CD59: variants seen among roughly 807,000 people sequenced by gnomAD.
The protein encoded by CD59 is CD59 molecule (CD59 blood group).
A neutral mutation model predicts 7.0 loss-of-function variants in CD59; 3 were observed. That is an observed-to-expected ratio of 0.43 (90% CI 0.19 to 1.10). CD59 has a LOEUF of 1.10. Among genes scored for constraint, CD59 ranks in the 50% least tolerant of loss-of-function variants. The probability of loss-of-function intolerance (pLI) is 0.29; values close to 1 mark genes in which losing one functional copy is unlikely to be tolerated. For missense variants in CD59, 143 were observed against 151.0 expected (o/e 0.95, Z 0.28); for synonymous variants, 60 against 62.0 (o/e 0.97, Z 0.15).
Position 33,722,406 on chromosome 11 carries a change from G to A in CD59, c.40C>T (p.Leu14Phe). 6.2e-7 allele frequency: 1 copy of A among 1,613,964 alleles called. No individual in the cohort carries two copies. The highest frequency in any genetic ancestry group is 8.5e-7 in the Non-Finnish European group (1 of 1,179,808). Residue 14 changes from leucine to phenylalanine, a missense_variant, in exon 2 of 4, where the codon CTC becomes TTC. By Grantham distance (22) the Leu-to-Phe change is conservative. Transcript: ENST00000642928. Reference sequence around the variant, plus strand: ...GAATGGCAGAAGACAGCCAGGACGAGCAGCAGCCCGAACAGGACAGACCCT... The same window carrying A: ...GAATGGCAGAAGACAGCCAGGACGAACAGCAGCCCGAACAGGACAGACCCT... ...QGGSVLFGLL[L>F]VLAVFCHSGH...
rs1292535805 is a variant in CD59, at chr11:33,717,442, T to C, written c.97A>G (p.Asn33Asp). 1 of 1,613,260 alleles carries C rather than the reference T, an allele frequency of 6.2e-7. No individual in the cohort carries two copies. The highest frequency in any genetic ancestry group is 1.7e-5 in the Admixed American group (1 of 60,018). Residue 33 changes from asparagine (N) to aspartate (D), a missense_variant, in exon 3 of 4, where the codon AAC becomes GAC. By Grantham distance (23) the Asn-to-Asp change is conservative. Coordinates refer to ENST00000642928, the MANE Select transcript of CD59 (RefSeq NM_000611.6). ...GCTGTTTTGCAGTCAGCAGTTGGGT[T>C]AGGACAGTTGTAGCACTGCAGGCTA... ...GHSLQCYNCP[N>D]PTADCKTAVN... is the part of the protein sequence containing the mutation.
chr11:33,726,102 G>A (rs1854250570), intron 1 of CD59, among the ~76,000 whole-genome samples: 1 of 152,158 alleles, frequency 6.6e-6, no homozygotes, highest in South Asian at 2.1e-4. Context: ...ACACCCCACT[G>A]TCAATATTAG....
chr11:33,703,550 G>A lies in CD59; in HGVS notation c.*6576C>T, dbSNP rs1236159049. ...ATTTGGAACCAACTGAGAGACACAA[G>A]TCCCTCTTCGTTGATCAGGGTCAGT... is the stretch of plus-strand genomic sequence containing the variant. On this transcript the variant is annotated 3_prime_UTR_variant, in exon 4 of 4. Coordinates refer to ENST00000642928, the MANE Select transcript of CD59 (RefSeq NM_000611.6). 3 of 152,370 alleles carry A rather than the reference G, an allele frequency of 2.0e-5. No homozygotes were observed. The highest frequency in any genetic ancestry group is 2.1e-4 in the South Asian group (1 of 4,828). 9.4% of individuals were successfully genotyped at this position (152,370 alleles called of 1,614,324 possible).
Position 33,732,715 on chromosome 11 carries a change from A to G in CD59, c.-19+3667T>C, listed in dbSNP as rs1590548077. The stretch of plus-strand genomic sequence containing the variant: ...AAGGTAAACTGAACCTTTGCCTCCA[A>G]TTACAGGGGGAGGAAACAAGATTGA... On this transcript the variant is annotated intron_variant, in intron 1 of 3. Transcript: ENST00000642928. Among the ~76,000 whole-genome samples, 6 of 152,074 alleles carry G rather than the reference A, an allele frequency of 3.9e-5. 1 individual carries two copies. Among genetic ancestry groups the G allele is most frequent in the Admixed American group, 3.9e-4 (6 of 15,270 alleles).
intron 3 of CD59, chr11:33,711,515 T>C (rs1253035517): frequency 9.4e-6 from 6 of 640,876 alleles, no homozygotes; most frequent in Admixed American, 2.8e-5. Context: ...TCTACAAAAA[T>C]AAAAAATAAA....
At chr11:33,716,763 A>G (rs927245468) in intron 3 of CD59, among the ~76,000 whole-genome samples, 31 of 152,242 alleles carry the variant, frequency 2.0e-4, no homozygotes, top group South Asian at 2.1e-4. Context: ...CTCTGAGGCT[A>G]CCGAGCCCTG....
chr11:33,713,699 G>T (rs991118822), intron 3 of CD59, among the ~76,000 whole-genome samples: 2 of 152,200 alleles, frequency 1.3e-5, no homozygotes, highest in African/African-American at 4.8e-5. Context: ...GAAGCTTGGG[G>T]AGAACAGACA....
At chr11:33,715,801 C>T (rs1853763479) in intron 3 of CD59, among the ~76,000 whole-genome samples, 1 of 152,170 alleles carries the variant, frequency 6.6e-6, no homozygotes, top group Non-Finnish European at 1.5e-5. Flanking sequence ...TCCTCCCTAC[C>T]TCTGCTGTCC....
At position 33,729,034 on chromosome 11, in the gene CD59, G is replaced by A. The variant is rs189148220; in HGVS notation, c.-18-6571C>T. Reference sequence around the variant, plus strand: ...GGAAACAACAGATGCTGGAGAGGATGTGGAGAAACAGGAATGCTTTTACAC... The same window carrying A: ...GGAAACAACAGATGCTGGAGAGGATATGGAGAAACAGGAATGCTTTTACAC... On this transcript the variant is annotated intron_variant, in intron 1 of 3. Coordinates refer to ENST00000642928, the MANE Select transcript of CD59 (RefSeq NM_000611.6). Among the ~76,000 whole-genome samples the A allele has an allele frequency of 1.4e-3, 216 of 152,338 alleles. 1 individual carries two copies. The highest frequency in any genetic ancestry group is 2.4e-3 in the Non-Finnish European group (163 of 68,034).
chr11:33,721,576 A>G (rs186780611), intron 2 of CD59, among the ~76,000 whole-genome samples: 18 of 152,362 alleles, frequency 1.2e-4, no homozygotes, highest in Non-Finnish European at 2.5e-4. Flanking sequence ...CAGGCAGACA[A>G]CCACACTTGA....
chr11:33,706,111 A>AC lies in CD59; in HGVS notation c.*4014dup, dbSNP rs1427092900. Reference sequence around the variant, plus strand: ...TTCAGTCCCCTGCTGGGTGCATGCTACCCCCCTCCTCTCCCAGAGGCTCTG... The same window carrying AC: ...TTCAGTCCCCTGCTGGGTGCATGCTACCCCCCCTCCTCTCCCAGAGGCTCTG... On this transcript the variant is annotated 3_prime_UTR_variant, in exon 4 of 4. Transcript: ENST00000642928. 6.6e-6 allele frequency: 1 copy of AC among 150,694 alleles called. No homozygotes were observed. The highest frequency in any genetic ancestry group is 2.4e-5 in the African/African-American group (1 of 40,974). 9.3% of individuals were successfully genotyped at this position (150,694 alleles called of 1,614,324 possible). A position where few individuals can be genotyped will look rare whatever the true frequency, so the allele number is the denominator to read the frequency against.
intron 3 of CD59, among the ~76,000 whole-genome samples, chr11:33,716,010 G>T (rs1853773514): frequency 1.3e-5 from 2 of 152,172 alleles, no homozygotes; most frequent in Non-Finnish European, 2.9e-5. Context: ...AAGCTAAAGA[G>T]CCAAGTCTTC....
chr11:33,728,160 G>C (rs1398503307), intron 1 of CD59, among the ~76,000 whole-genome samples: 1 of 152,058 alleles, frequency 6.6e-6, no homozygotes, highest in Non-Finnish European at 1.5e-5. Flanking sequence ...CACAGAATTG[G>C]AAAAAACTAC....
In CD59 at chr11:33,704,595, C is replaced by T. The variant is rs1367291017; in HGVS notation, c.*5531G>A. 6.6e-6 allele frequency: 1 copy of T among 152,180 alleles called. No individual in the cohort carries two copies. Among genetic ancestry groups the T allele is most frequent in the Non-Finnish European group, 1.5e-5 (1 of 68,032 alleles). The allele number at this position is 152,180 out of a possible 1,614,324, so 9.4% of individuals were successfully genotyped here. A position where few individuals can be genotyped will look rare whatever the true frequency, so the allele number is the denominator to read the frequency against. ...ACTTGTCTTAACTCATTTAACTTTT[C>T]TAACAACCCTAAACCTAGGGTTCTC... On this transcript the variant is annotated 3_prime_UTR_variant, in exon 4 of 4. Transcript: ENST00000642928.
intron 2 of CD59, among the ~76,000 whole-genome samples, chr11:33,721,996 C>T (rs1158849279): frequency 6.7e-6 from 1 of 149,122 alleles, no homozygotes; most frequent in Non-Finnish European, 1.5e-5. Context: ...ACAGGAGGAG[C>T]CTCAGAGCAG....
chr11:33,722,959 ACTTG>A, intron 1 of CD59: 1 of 1,055,174 alleles, frequency 9.5e-7, no homozygotes, highest in Non-Finnish European at 1.1e-6. Flanking sequence ...TAATGGGGAC[ACTTG>A]CTTGCTCTCT....
chr11:33,719,244 C>G (rs942321376), intron 2 of CD59: 1 of 152,242 alleles, frequency 6.6e-6, no homozygotes, highest in Non-Finnish European at 1.5e-5. Context: ...TCTGCCCTCA[C>G]AGGTGTGAAA....
At position 33,736,106 on chromosome 11, in the gene CD59, A is replaced by G. The variant is rs1590552359; in HGVS notation, c.-19+276T>C. On this transcript the variant is annotated intron_variant, in intron 1 of 3. Coordinates refer to ENST00000642928, the MANE Select transcript of CD59 (RefSeq NM_000611.6). The surrounding 1 kb of genome is among the most constrained non-coding windows in gnomAD (Gnocchi z 4.4). ...CCGGGTGCGAGGCTGCCCCCGAGGGAATGGGGGGCGCGACGGGGGTAACGG... is the reference window on the plus strand; with the variant it reads ...CCGGGTGCGAGGCTGCCCCCGAGGGGATGGGGGGCGCGACGGGGGTAACGG... Among the ~76,000 whole-genome samples the G allele has an allele frequency of 1.3e-5, 2 of 151,930 alleles. No homozygotes were observed. The highest frequency in any genetic ancestry group is 4.8e-5 in the African/African-American group (2 of 41,446).
At chr11:33,713,471 T>C (rs1198964581) in intron 3 of CD59, among the ~76,000 whole-genome samples, 1 of 152,238 alleles carries the variant, frequency 6.6e-6, no homozygotes, top group African/African-American at 2.4e-5. Context: ...GATGGGTATC[T>C]GGATTGGAAT....
Sources: allele counts gnomAD v4.1 joint callset (sites outside exome capture counted in the v4.1 genomes callset), GRCh38; gene constraint gnomAD v4.1.1; non-coding constraint Gnocchi (gnomAD v3.1); transcripts MANE v1.5; gene names NCBI Gene and HGNC (gene_info 2026-07-23, HGNC 2026-07-21).